Variants in GON4L observed in about 807,000 individuals in gnomAD.
GON4L encodes the protein GON-4-like protein.
GON4L carries 87 observed loss-of-function variants against 211.8 expected under a neutral mutation model. The ratio of observed to expected loss-of-function variants is 0.41; its 90% CI spans 0.35 to 0.49. The LOEUF (loss-of-function observed/expected upper bound fraction) is 0.49, where lower values mean the gene tolerates loss of function less well. GON4L is among the 20% of genes least tolerant of loss of function. The probability of loss-of-function intolerance (pLI) is 0.15; values close to 1 mark genes in which losing one functional copy is unlikely to be tolerated. For synonymous variants in GON4L, 875 were observed against 962.6 expected, an observed-to-expected ratio of 0.91 and a Z score of 1.68; for missense variants, 2,155 against 2,659.5, an observed-to-expected ratio of 0.81 and a Z score of 4.17.
At chr1:155,834,594 G>A (rs1670118338) in intron 2 of GON4L, among the ~76,000 whole-genome samples, 1 of 152,172 alleles carries the variant, frequency 6.6e-6, no homozygotes. Flanking sequence ...CAAAACAGGA[G>A]CTGATCAAAG....
chr1:155,760,157 G>A (rs946410155), intron 24 of GON4L, among the ~76,000 whole-genome samples: 1 of 151,864 alleles, frequency 6.6e-6, no homozygotes, highest in African/African-American at 2.4e-5. Context: ...TTTGTTAAAT[G>A]AATGTCTGGC....
rs541780927 is a variant in GON4L at position 155,756,978 on chromosome 1, C to T, written c.5497G>A (p.Gly1833Arg). The T allele has an allele frequency of 3.9e-5, 63 of 1,613,058 alleles. No individual in the cohort carries two copies. The highest frequency in any genetic ancestry group is 1.0e-4 in the Admixed American group (6 of 59,998). Residue 1833 changes from glycine (G) to arginine (R), a missense_variant, in exon 27 of 32, where the codon GGG becomes AGG. Transcript: ENST00000368331. ...AATACCTTATCATGATTTTGGACCC[C>T]GATCTCTTTTTTCCTCTTGTTCTTT... ...ASKNKRKKEI[G>R]VQNHDKETEW...
intron 14 of GON4L, 43 bp from the exon 15 acceptor site, chr1:155,777,863 G>T (rs1663991500): frequency 8.5e-7 from 1 of 1,177,682 alleles, no homozygotes; most frequent in Non-Finnish European, 1.3e-6. Context: ...TGTTTCCGTA[G>T]GTCCACAACA....
In GON4L at chr1:155,762,255, T is replaced by C. The variant is rs372207876; in HGVS notation, c.4846A>G (p.Ile1616Val). The change falls in exon 23 of 32, where the codon ATT becomes GTT. Residue 1616 changes from isoleucine (I) to valine (V), a missense_variant. By Grantham distance (29) the Ile-to-Val change is conservative (BLOSUM62 3). This residue lies in a region of GON4L where 455 missense variants were observed against 504.6 expected (regional missense o/e 0.90). Transcript: ENST00000368331. The stretch of plus-strand genomic sequence containing the variant: ...TCCCTGAGTGGATCTCGCTCGAGAA[T>C]GTCCTCATCATACAGCAACAGCAGC... Reference protein sequence around the residue: ...SKLLLLYDEDILERDPLREQK... With the variant: ...SKLLLLYDEDVLERDPLREQK... 1 of 1,612,884 alleles carries C rather than the reference T, an allele frequency of 6.2e-7. No individual in the cohort carries two copies. The highest frequency in any genetic ancestry group is 8.5e-7 in the Non-Finnish European group (1 of 1,179,460).
intron 2 of GON4L, among the ~76,000 whole-genome samples, chr1:155,839,405 T>C (rs1670584474): frequency 6.6e-6 from 1 of 152,062 alleles, no homozygotes; most frequent in Non-Finnish European, 1.5e-5. Context: ...TCCCAGCACT[T>C]TGGGAGGCCA....
chr1:155,811,131 G>A (rs372970505), intron 10 of GON4L, among the ~76,000 whole-genome samples: 2 of 151,992 alleles, frequency 1.3e-5, no homozygotes, highest in African/African-American at 4.8e-5. Context: ...GGTGGTTCAC[G>A]CCCGTAATCC....
chr1:155,844,294 T>C (rs1671031718), intron 2 of GON4L, among the ~76,000 whole-genome samples: 1 of 152,172 alleles, frequency 6.6e-6, no homozygotes, highest in Admixed American at 6.5e-5. Flanking sequence ...TTGGATTGTT[T>C]ACTGACTGAA....
chr1:155,792,443 A>C (rs1665688767), intron 12 of GON4L, among the ~76,000 whole-genome samples: 1 of 152,238 alleles, frequency 6.6e-6, no homozygotes, highest in Non-Finnish European at 1.5e-5. Context: ...AAATATTGCC[A>C]CCAGCTTTAC....
intron 21 of GON4L, among the ~76,000 whole-genome samples, chr1:155,764,045 C>A (rs1288306085): frequency 7.3e-5 from 11 of 151,066 alleles, no homozygotes; most frequent in Non-Finnish European, 1.2e-4. Flanking sequence ...ACAGAAAAAA[C>A]CACACACAAA....
At position 155,822,465 on chromosome 1, in the gene GON4L, T is replaced by C. The variant is rs1317137065; in HGVS notation, c.709A>G (p.Asn237Asp). The C allele has an allele frequency of 9.9e-6, 16 of 1,612,816 alleles. No individual in the cohort carries two copies. The highest frequency in any genetic ancestry group is 2.2e-5 in the South Asian group (2 of 91,074). The change falls in exon 4 of 32, where the codon AAT (asparagine) becomes GAT (aspartate). Residue 237 changes from asparagine to aspartate, a missense_variant. Asn to Asp is a conservative substitution (Grantham distance 23, BLOSUM62 1). Around this residue, in one of 6 missense-constraint regions of GON4L, gnomAD observed 313 missense variants for 293.2 expected, o/e 1.07. Coordinates refer to ENST00000368331, the MANE Select transcript of GON4L (RefSeq NM_001282860.2). ...GLFIPMEEQD[N>D]EESEKRRKKK... ...TTTCTCCTTTTCTCACTTTCTTCAT[T>C]GTCTTGTTCTTCTGCAAATAAACCA...
intron 11 of GON4L, among the ~76,000 whole-genome samples, chr1:155,795,801 C>T (rs181473312): frequency 1.3e-5 from 2 of 152,214 alleles, no homozygotes; most frequent in African/African-American, 2.4e-5. Context: ...CCATGCCCAA[C>T]TAATTTTTGT....
chr1:155,750,852 C>T, intron 31 of GON4L, 119 bp from the exon 32 acceptor site: 1 of 942,458 alleles, frequency 1.1e-6, no homozygotes, highest in Non-Finnish European at 1.6e-6. Context: ...CAACCTCCGT[C>T]TCCTGGGTTC....
At chr1:155,852,640 G>C (rs1671904533) in intron 2 of GON4L, among the ~76,000 whole-genome samples, 1 of 152,162 alleles carries the variant, frequency 6.6e-6, no homozygotes, top group African/African-American at 2.4e-5. Context: ...CTACTCGGGA[G>C]GCTGAGGCAG....
At chr1:155,763,650 A>C (rs1324667017) in intron 21 of GON4L, 86 bp from the exon 22 acceptor site, 1 of 1,207,332 alleles carries the variant, frequency 8.3e-7, no homozygotes, top group Non-Finnish European at 1.1e-6. Context: ...GGATAATCTG[A>C]AGTTAAACAA....
At chr1:155,769,859 G>A (rs2101786703) in intron 19 of GON4L, among the ~76,000 whole-genome samples, 1 of 151,980 alleles carries the variant, frequency 6.6e-6, no homozygotes, top group East Asian at 1.9e-4. Context: ...GTAAGGGAGT[G>A]AGGAGACAGG....
rs1265771952 is a variant in GON4L at position 155,752,423 on chromosome 1, G to A, written c.6010C>T (p.Arg2004Cys). 38 of 1,573,262 alleles carry A rather than the reference G, an allele frequency of 2.4e-5. No homozygotes were observed. Among genetic ancestry groups the A allele is most frequent in the Middle Eastern group, 1.7e-4 (1 of 6,002 alleles). Residue 2004 changes from arginine to cysteine, a missense_variant, in exon 30 of 32, where the codon CGC becomes TGC. This residue lies in a region of GON4L where 186 missense variants were observed against 308.1 expected (regional missense o/e 0.60). Coordinates refer to ENST00000368331, the MANE Select transcript of GON4L (RefSeq NM_001282860.2). ...CTGGGGGATGCCTTGGGGCAGGAGC[G>A]AACCTCAGGCCCAACCTGGTTTCTC... ...VKRNQVGPEV[R>C]SCPKASPRLQ...
chr1:155,820,562 A>C, intron 6 of GON4L, 44 bp downstream of exon 6: 1 of 1,353,824 alleles, frequency 7.4e-7, no homozygotes, highest in Non-Finnish European at 1.1e-6. Context: ...GATCCTATTC[A>C]CCAAGCTAAA....
downstream of GON4L, chr1:155,747,690 T>C: frequency 1.2e-6 from 2 of 1,613,838 alleles, no homozygotes; most frequent in Non-Finnish European, 1.7e-6. Flanking sequence ...GGTAGTGGCG[T>C]GGCAATGTGC....
At chr1:155,788,882 A>T (rs553471606) in intron 12 of GON4L, among the ~76,000 whole-genome samples, 1 of 152,276 alleles carries the variant, frequency 6.6e-6, no homozygotes, top group South Asian at 2.1e-4. Flanking sequence ...CAAGGTCAGG[A>T]GATCGAGATC....
Sources: allele counts gnomAD v4.1 joint callset (sites outside exome capture counted in the v4.1 genomes callset), GRCh38; gene constraint gnomAD v4.1.1; regional missense constraint gnomAD v4.1.1; transcripts MANE v1.5; gene names NCBI Gene and HGNC (gene_info 2026-07-23, HGNC 2026-07-21).